LARGE1: variants seen among roughly 807,000 people sequenced by gnomAD.
LARGE1 encodes the protein LARGE xylosyl- and glucuronyltransferase 1, also known as xylosyl- and glucuronyltransferase LARGE1.
A neutral mutation model predicts 87.6 loss-of-function variants in LARGE1; 43 were observed. The observed-to-expected ratio is 0.49, with a 90% confidence interval of 0.38 to 0.63. The LOEUF is 0.63. LARGE1 is among the 30% of genes least tolerant of loss of function. LARGE1 has a pLI of 0.00. For missense variants in LARGE1, 802 were observed against 1,000.2 expected (o/e 0.80, Z 2.67); for synonymous variants, 434 against 394.6 (o/e 1.10, Z -1.18).
intron 1 of LARGE1, among the ~76,000 whole-genome samples, chr22:33,840,183 T>C (rs1055208491): frequency 6.6e-6 from 1 of 152,144 alleles, no homozygotes; most frequent in Non-Finnish European, 1.5e-5. Context: ...CTATTTGATT[T>C]AATAATATAT....
rs1167205201 is a variant in LARGE1, at chr22:33,891,433, T to G, written c.-83+28562A>C. ...ATGTGCAAGGCACCATGCTATGTGC[T>G]AGCCATAAAAAAAAAAAAAACTGTA... On this transcript the variant is annotated intron_variant, in intron 1 of 14. Coordinates refer to ENST00000397394, the MANE Select transcript of LARGE1 (RefSeq NM_133642.5). Among the ~76,000 whole-genome samples the G allele has an allele frequency of 1.5e-4, 13 of 86,306 alleles. No individual in the cohort carries two copies. In the South Asian group the frequency reaches 3.2e-3, roughly 21 times the overall value. The allele number at this position is 86,306 out of a possible 152,430, so 56.6% of individuals were successfully genotyped here.
intron 2 of LARGE1, among the ~76,000 whole-genome samples, chr22:33,706,057 G>C (rs931622773): frequency 6.6e-6 from 1 of 152,210 alleles, no homozygotes; most frequent in African/African-American, 2.4e-5. Flanking sequence ...GCTCCTAACA[G>C]TTAACTGCCC....
chr22:33,355,019 TTTATAG>T (rs1406531790), intron 9 of LARGE1, among the ~76,000 whole-genome samples: 1 of 152,196 alleles, frequency 6.6e-6, no homozygotes, highest in African/African-American at 2.4e-5. Context: ...ACTTTTCTGT[TTTATAG>T]TGTATTCATG....
At chr22:33,338,611 C>T (rs938382461) in intron 9 of LARGE1, among the ~76,000 whole-genome samples, 1 of 152,204 alleles carries the variant, frequency 6.6e-6, no homozygotes, top group African/African-American at 2.4e-5. Flanking sequence ...GAATGATACA[C>T]TGTCTCATAA....
chr22:33,782,898 A>G (rs1232433489), intron 1 of LARGE1, among the ~76,000 whole-genome samples: 3 of 148,600 alleles, frequency 2.0e-5, no homozygotes, highest in Non-Finnish European at 3.0e-5. Context: ...AAAAAAAAAA[A>G]AGAGAGAGAG....
At chr22:33,505,315 A>T (rs1014579262) in intron 6 of LARGE1, among the ~76,000 whole-genome samples, 2 of 152,218 alleles carry the variant, frequency 1.3e-5, no homozygotes, top group Admixed American at 6.5e-5. Context: ...TTGAACTGTC[A>T]GGTTTGCAGG....
At chr22:33,544,645 G>A (rs999490697) in intron 6 of LARGE1, among the ~76,000 whole-genome samples, 1 of 152,060 alleles carries the variant, frequency 6.6e-6, no homozygotes, top group Non-Finnish European at 1.5e-5. Flanking sequence ...TCACACCGCT[G>A]CAGTCCAGCC....
chr22:33,571,581 C>T (rs1000590117), intron 5 of LARGE1, among the ~76,000 whole-genome samples: 3 of 152,148 alleles, frequency 2.0e-5, no homozygotes, highest in Admixed American at 1.3e-4. Flanking sequence ...ACTCCTTCTC[C>T]AAGATGTGGA....
At chr22:33,591,140 G>C (rs1013315980) in intron 5 of LARGE1, among the ~76,000 whole-genome samples, 2 of 152,238 alleles carry the variant, frequency 1.3e-5, no homozygotes, top group Admixed American at 1.3e-4. Flanking sequence ...GGCGGAGGTT[G>C]CAGTGAGCCA....
At chr22:33,556,209 C>T (rs2077671616) in intron 6 of LARGE1, among the ~76,000 whole-genome samples, 1 of 151,860 alleles carries the variant, frequency 6.6e-6, no homozygotes, top group Admixed American at 6.6e-5. Context: ...TCAGATGTAT[C>T]TAGAATCTAG....
chr22:33,717,230 C>G (rs553961643), intron 2 of LARGE1, among the ~76,000 whole-genome samples: 1 of 152,272 alleles, frequency 6.6e-6, no homozygotes, highest in African/African-American at 2.4e-5. Flanking sequence ...TCTACCCCCA[C>G]AGTGCACCAT....
chr22:33,578,879 GC>G (rs2078429376), intron 5 of LARGE1, among the ~76,000 whole-genome samples: 1 of 152,172 alleles, frequency 6.6e-6, no homozygotes, highest in Non-Finnish European at 1.5e-5. Context: ...CATACTGTTA[GC>G]AGAAACAAAC....
the LARGE1 span, among the ~76,000 whole-genome samples, chr22:33,133,087 A>T: frequency 7.9e-5 from 12 of 152,150 alleles, no homozygotes; most frequent in Non-Finnish European, 1.5e-4. Flanking sequence ...TGAAGAAGGG[A>T]TTGTTCATAT....
Position 33,679,276 on chromosome 22 carries a change from T to C in LARGE1, c.107-28608A>G, listed in dbSNP as rs1289534843. On this transcript the variant is annotated intron_variant, in intron 2 of 14. Transcript: ENST00000397394. ...TCCTTACAGAGCGTTATGGATTTAA[T>C]TGTGTCCCACCCCTAAAATTTATAT... is the stretch of plus-strand genomic sequence containing the variant. Among the ~76,000 whole-genome samples, 5 of 152,200 alleles carry C rather than the reference T, an allele frequency of 3.3e-5. No individual in the cohort carries two copies. The East Asian group carries it at 9.6e-4, about 29-fold the overall frequency.
At chr22:33,085,317 G>C in the LARGE1 span, among the ~76,000 whole-genome samples, 1 of 152,270 alleles carries the variant, frequency 6.6e-6, no homozygotes, top group East Asian at 1.9e-4. Flanking sequence ...ACATGCTCAA[G>C]CTGTTTGAAA....
intron 2 of LARGE1, among the ~76,000 whole-genome samples, chr22:33,749,218 G>A (rs191652479): frequency 3.3e-5 from 5 of 152,280 alleles, no homozygotes; most frequent in East Asian, 1.9e-4. Flanking sequence ...GGGTTCAAGC[G>A]ATTCTCCTGT....
In LARGE1 at chr22:33,901,691, T is replaced by C. The variant is rs114050177; in HGVS notation, c.-83+18304A>G. 3.5e-3 allele frequency among the ~76,000 whole-genome samples: 533 copies of C among 152,238 alleles called. 7 individuals are homozygous for C. Among genetic ancestry groups the C allele is most frequent in the African/African-American group, 0.012 (507 of 41,546 alleles). On this transcript the variant is annotated intron_variant, in intron 1 of 14. Coordinates refer to ENST00000397394, the MANE Select transcript of LARGE1 (RefSeq NM_133642.5). ...ATCTCTATAAAAAATTAAATTAAAA[T>C]GTTGAAATGACAATCTTCCAATCAG...
intron 9 of LARGE1, among the ~76,000 whole-genome samples, chr22:33,338,096 C>A (rs1003565100): frequency 6.6e-6 from 1 of 152,122 alleles, no homozygotes; most frequent in African/African-American, 2.4e-5. Flanking sequence ...ATTACATTGT[C>A]ATCTCTCAGC....
intron 9 of LARGE1, among the ~76,000 whole-genome samples, chr22:33,377,000 C>G (rs558485614): frequency 5.3e-5 from 8 of 152,168 alleles, no homozygotes; most frequent in Middle Eastern, 3.2e-3. Context: ...GACCAGAAAC[C>G]TGGGAGAGGT....
Sources: gnomAD v4.1 joint callset for allele counts (sites outside exome capture counted in the v4.1 genomes callset) on GRCh38, gnomAD v4.1.1 for gene constraint, MANE v1.5 for transcripts, NCBI Gene and HGNC (gene_info 2026-07-23, HGNC 2026-07-21) for gene names.